OTUD7A: variants seen among roughly 807,000 people sequenced by gnomAD.
OTUD7A encodes the protein OTU deubiquitinase 7A.
A neutral mutation model predicts 65.7 loss-of-function variants in OTUD7A; 12 were observed. That is an observed-to-expected ratio of 0.18 (90% CI 0.12 to 0.30). The LOEUF (loss-of-function observed/expected upper bound fraction) is 0.30. Ranked by LOEUF, OTUD7A falls within the 10% of genes least tolerant of loss-of-function variation. OTUD7A has a pLI of 1.00. For missense variants in OTUD7A, 1,148 were observed against 1,304.8 expected, an observed-to-expected ratio of 0.88 and a Z score of 1.85; for synonymous variants, 641 against 586.3, an observed-to-expected ratio of 1.09 and a Z score of -1.35.
intron 1 of OTUD7A, among the ~76,000 whole-genome samples, chr15:31,843,590 A>T (rs1897235822): frequency 6.6e-6 from 1 of 152,228 alleles, no homozygotes; most frequent in African/African-American, 2.4e-5. Flanking sequence ...CTGTAACAAC[A>T]TCACAGATGA....
intron 1 of OTUD7A, among the ~76,000 whole-genome samples, chr15:31,692,912 A>G (rs1450096873): frequency 1.3e-5 from 2 of 148,646 alleles, no homozygotes; most frequent in Non-Finnish European, 2.9e-5. Context: ...ACCACTAACA[A>G]CCCTCACACA....
intron 1 of OTUD7A, among the ~76,000 whole-genome samples, chr15:31,694,992 C>T (rs976060652): frequency 6.6e-6 from 1 of 151,972 alleles, no homozygotes; most frequent in African/African-American, 2.4e-5. Context: ...ACTACAGGCA[C>T]CCACCACCAC....
At chr15:31,489,997 C>A (rs993592460) in intron 10 of OTUD7A, among the ~76,000 whole-genome samples, 1 of 152,222 alleles carries the variant, frequency 6.6e-6, no homozygotes, top group Admixed American at 6.5e-5. Flanking sequence ...ACTGAAGACA[C>A]CGAGGGGCTC....
At chr15:31,727,861 G>A (rs1893935992) in intron 1 of OTUD7A, among the ~76,000 whole-genome samples, 1 of 152,094 alleles carries the variant, frequency 6.6e-6, no homozygotes, top group African/African-American at 2.4e-5. Context: ...CTTCTTGGCT[G>A]GCCTTTCTGT....
chr15:31,640,378 C>T (rs1033956302), intron 3 of OTUD7A, among the ~76,000 whole-genome samples: 31 of 152,148 alleles, frequency 2.0e-4, no homozygotes, highest in African/African-American at 7.5e-4. Context: ...AACCAAACAC[C>T]ACCTGTACCC....
chr15:31,840,645 G>A (rs1382434225), intron 1 of OTUD7A, among the ~76,000 whole-genome samples: 2 of 152,058 alleles, frequency 1.3e-5, no homozygotes, highest in African/African-American at 2.4e-5. Flanking sequence ...ACTGGTAGTG[G>A]TGGAAAACAT....
At chr15:31,816,057 G>C (rs878896898) in intron 1 of OTUD7A, among the ~76,000 whole-genome samples, 1 of 152,192 alleles carries the variant, frequency 6.6e-6, no homozygotes, top group African/African-American at 2.4e-5. Flanking sequence ...CTGGCCTCCA[G>C]GAAAAAAACC....
intron 1 of OTUD7A, among the ~76,000 whole-genome samples, chr15:31,825,390 G>A (rs1896774116): frequency 6.6e-6 from 1 of 152,158 alleles, no homozygotes; most frequent in African/African-American, 2.4e-5. Context: ...ATGCAAAAGT[G>A]GAAACCCCTG....
At chr15:31,722,101 T>C (rs181117806) in intron 1 of OTUD7A, among the ~76,000 whole-genome samples, 33 of 152,324 alleles carry the variant, frequency 2.2e-4, no homozygotes, top group Admixed American at 1.8e-3. Context: ...CACAGTCTCA[T>C]CAGCCCTTGC....
chr15:31,802,964 G>T (rs945867390), intron 1 of OTUD7A, among the ~76,000 whole-genome samples: 4 of 152,208 alleles, frequency 2.6e-5, no homozygotes, highest in Admixed American at 2.0e-4. Context: ...ACCCAGTCAG[G>T]AGGTTCTCCC....
chr15:31,837,932 C>T (rs1439339540), intron 1 of OTUD7A, among the ~76,000 whole-genome samples: 1 of 152,184 alleles, frequency 6.6e-6, no homozygotes, highest in Non-Finnish European at 1.5e-5. Flanking sequence ...GGAACAGACA[C>T]ATAGATCAAT....
chr15:31,558,492 T>C (rs2141156934), intron 5 of OTUD7A: 1 of 170,260 alleles, frequency 5.9e-6, no homozygotes, highest in South Asian at 1.6e-4. Flanking sequence ...TGTCACTTAG[T>C]ACCCCAAAGC....
intron 8 of OTUD7A, among the ~76,000 whole-genome samples, chr15:31,510,939 C>G (rs1595568701): frequency 3.8e-5 from 1 of 26,634 alleles, no homozygotes; most frequent in African/African-American, 4.1e-4. Context: ...ATATGTATAT[C>G]TATATGTAAC....
intron 3 of OTUD7A, among the ~76,000 whole-genome samples, chr15:31,612,510 C>T (rs892765755): frequency 8.5e-5 from 13 of 152,146 alleles, no homozygotes; most frequent in South Asian, 2.1e-4. Context: ...AGTGACCAAG[C>T]GGATAATCAA....
intron 1 of OTUD7A, among the ~76,000 whole-genome samples, chr15:31,761,504 T>C (rs996754268): frequency 2.6e-5 from 4 of 152,076 alleles, no homozygotes; most frequent in Non-Finnish European, 5.9e-5. Flanking sequence ...ATGGGTATAA[T>C]AAGAAAGACA....
intron 1 of OTUD7A, among the ~76,000 whole-genome samples, chr15:31,785,484 C>A (rs1355234363): frequency 2.6e-5 from 4 of 152,136 alleles, no homozygotes; most frequent in Non-Finnish European, 4.4e-5. Flanking sequence ...CATTTCCAGA[C>A]CTGGCCTCTG....
intron 1 of OTUD7A, among the ~76,000 whole-genome samples, chr15:31,677,004 T>C (rs914757701): frequency 7.2e-5 from 11 of 152,250 alleles, no homozygotes; most frequent in African/African-American, 2.4e-4. Context: ...CTTGCCTTTG[T>C]GTTTCTAGGT....
chr15:31,739,765 T>C (rs1894289682), intron 1 of OTUD7A, among the ~76,000 whole-genome samples: 1 of 152,084 alleles, frequency 6.6e-6, no homozygotes, highest in African/African-American at 2.4e-5. Context: ...AGAGATGGGT[T>C]TTTGCCATGT....
At chr15:31,611,276 C>A (rs190011151) in intron 3 of OTUD7A, among the ~76,000 whole-genome samples, 11 of 152,118 alleles carry the variant, frequency 7.2e-5, no homozygotes, top group African/African-American at 2.4e-4. Context: ...CAAAGCCAAA[C>A]CCAGCAGAAT....
Sources: allele counts gnomAD v4.1 joint callset (sites outside exome capture counted in the v4.1 genomes callset), GRCh38; gene constraint gnomAD v4.1.1; transcripts MANE v1.5; gene names NCBI Gene and HGNC (gene_info 2026-07-23, HGNC 2026-07-21).